Variants in ERAP2 observed in about 807,000 individuals in gnomAD.
ERAP2 encodes the protein endoplasmic reticulum aminopeptidase 2, also known as leukocyte-derived arginine aminopeptidase.
Under a neutral mutation model 111.1 loss-of-function variants are expected in ERAP2, and 118 were observed. The observed-to-expected ratio is 1.06, with a 90% CI of 0.92 to 1.24. The LOEUF is 1.24. Ranked by LOEUF, ERAP2 falls within the 50% of genes most tolerant of loss-of-function variation. The probability of loss-of-function intolerance (pLI) is 0.00; values close to 1 mark genes in which losing one functional copy is unlikely to be tolerated. For synonymous variants in ERAP2, 410 were observed against 401.2 expected (o/e 1.02, Z -0.26); for missense variants, 1,131 against 1,125.8 (o/e 1.00, Z -0.07).
chr5:96,888,899 T>C (rs1784042067), intron 4 of ERAP2, among the ~76,000 whole-genome samples: 1 of 152,224 alleles, frequency 6.6e-6, no homozygotes, highest in African/African-American at 2.4e-5. Flanking sequence ...TTCCTCTCTA[T>C]GATATACTTG....
rs772419139 is a variant in ERAP2 at position 96,909,783 on chromosome 5, C to T, written c.2354+19C>T. On this transcript the variant is annotated intron_variant, in intron 15 of 18. Transcript: ENST00000437043. ...AATTAAAGTAGATGTAGACTTCTGT[C>T]CTACCCTTTGTTCTTTTCTCTTTGA... 9 of 1,609,222 alleles carry T rather than the reference C, an allele frequency of 5.6e-6. No homozygotes were observed. Among genetic ancestry groups the T allele is most frequent in the Non-Finnish European group, 7.7e-6 (9 of 1,176,398 alleles).
chr5:96,900,604 C>T (rs1160312787), intron 10 of ERAP2, among the ~76,000 whole-genome samples: 3 of 152,086 alleles, frequency 2.0e-5, no homozygotes, highest in Non-Finnish European at 4.4e-5. Flanking sequence ...AGAAAGTCAT[C>T]ACAGGGGAAG....
chr5:96,892,382 G>T lies in ERAP2; in HGVS notation c.1054G>T (p.Asp352Tyr), dbSNP rs557002492. 3 of 1,613,976 alleles carry T rather than the reference G, an allele frequency of 1.9e-6. No homozygotes were observed. Among genetic ancestry groups the T allele is most frequent in the South Asian group, 2.2e-5 (2 of 91,062 alleles). ...ITYRETSLLF[D>Y]PKTSSASDKL... is the part of the protein sequence containing the mutation. ...ATATAGGGAGACGTCACTGCTTTTT[G>T]ACCCCAAGACCTCTTCTGCTTCCGA... Residue 352 changes from aspartate to tyrosine, a missense_variant, in exon 6 of 19, where the codon GAC (aspartate) becomes TAC (tyrosine). Around this residue, in one of 3 missense-constraint regions of ERAP2, gnomAD observed 847 missense variants for 856.5 expected, o/e 0.99. Transcript: ENST00000437043.
chr5:96,915,015 TA>T (rs1321658458), intron 17 of ERAP2, among the ~76,000 whole-genome samples: 1 of 152,148 alleles, frequency 6.6e-6, no homozygotes, highest in Non-Finnish European at 1.5e-5. Context: ...TTAATTAATT[TA>T]TTTTTTTTGA....
rs78813434 is a variant in ERAP2, at chr5:96,903,236, G to T, written c.1829-141G>T. The T allele has an allele frequency of 1.3e-3, 812 of 614,016 alleles. 2 individuals are homozygous for T. Among genetic ancestry groups the T allele is most frequent in the Non-Finnish European group, 1.9e-3 (711 of 371,620 alleles). 38.0% of individuals were successfully genotyped at this position (614,016 alleles called of 1,614,324 possible). On this transcript the variant is annotated intron_variant, in intron 12 of 18. Coordinates refer to ENST00000437043, the MANE Select transcript of ERAP2 (RefSeq NM_022350.5). The stretch of plus-strand genomic sequence containing the variant: ...CAAAAGAAATCATCCAGTGAACTAC[G>T]AAAATGAATATCATTATGACTCTCC...
rs533557444 is a variant in ERAP2, at chr5:96,902,293, T to C, written c.1768T>C (p.Leu590=). Reference sequence around the variant, plus strand: ...TCATAGGTACCTGTGGCATATCCCATTGACCTACTCCACGAGTTCTTCTAA... The same window carrying C: ...TCATAGGTACCTGTGGCATATCCCACTGACCTACTCCACGAGTTCTTCTAA... The part of the protein sequence containing the change: ...LQERYLWHIP[L]TYSTSSSNVI... Residue 590 remains leucine (L), a synonymous_variant, in exon 12 of 19, where the codon TTG becomes CTG. Coordinates refer to ENST00000437043, the MANE Select transcript of ERAP2 (RefSeq NM_022350.5). 6.2e-7 allele frequency: 1 copy of C among 1,610,372 alleles called. No homozygotes were observed. The highest frequency in any genetic ancestry group is 1.1e-5 in the South Asian group (1 of 91,022).
At chr5:96,882,969 T>C (rs566070428) in intron 2 of ERAP2, among the ~76,000 whole-genome samples, 1 of 152,334 alleles carries the variant, frequency 6.6e-6, no homozygotes, top group East Asian at 1.9e-4. Context: ...AGAGTAAATC[T>C]GTAACTGTAC....
At chr5:96,904,938 T>C (rs954943476) in intron 13 of ERAP2, among the ~76,000 whole-genome samples, 2 of 152,198 alleles carry the variant, frequency 1.3e-5, no homozygotes, top group African/African-American at 4.8e-5. Context: ...AGATTTCAGG[T>C]ATTACCTCTT....
At chr5:96,878,316 C>CT (rs1782764424) in intron 1 of ERAP2, among the ~76,000 whole-genome samples, 1 of 152,052 alleles carries the variant, frequency 6.6e-6, no homozygotes, top group African/African-American at 2.4e-5. Flanking sequence ...AAATACCTAC[C>CT]TTGACCAGCA....
chr5:96,887,839 G>A (rs556415847), intron 4 of ERAP2, among the ~76,000 whole-genome samples: 14 of 152,220 alleles, frequency 9.2e-5, no homozygotes, highest in African/African-American at 3.1e-4. Flanking sequence ...TGAAAAATGG[G>A]CATAGGCCGG....
rs1787583301 is a variant in ERAP2 at position 96,917,751 on chromosome 5, A to C, written c.*146A>C. On this transcript the variant is annotated 3_prime_UTR_variant, in exon 19 of 19. Coordinates refer to ENST00000437043, the MANE Select transcript of ERAP2 (RefSeq NM_022350.5). ...GAGACCCCGTCTCCGCTAAAAATAC[A>C]AAAAATTAGCCGGGCATGGTGGCAG... is the stretch of plus-strand genomic sequence containing the variant. 4.0e-6 allele frequency: 2 copies of C among 505,488 alleles called. No individual in the cohort carries two copies. Among genetic ancestry groups the C allele is most frequent in the African/African-American group, 2.0e-5 (1 of 49,460 alleles). 31.3% of individuals were successfully genotyped at this position (505,488 alleles called of 1,614,324 possible).
In ERAP2 at chr5:96,919,521, C is replaced by T. The variant is rs542845386; in HGVS notation, c.*1916C>T. 5 of 152,234 alleles carry T rather than the reference C, an allele frequency of 3.3e-5. No individual in the cohort carries two copies. In the East Asian group the frequency reaches 9.4e-4, roughly 29 times the overall value. The allele number at this position is 152,234 out of a possible 1,614,324, so 9.4% of individuals were successfully genotyped here. A position where few individuals can be genotyped will look rare whatever the true frequency, so the allele number is the denominator to read the frequency against. On this transcript the variant is annotated 3_prime_UTR_variant, in exon 19 of 19. Coordinates refer to ENST00000437043, the MANE Select transcript of ERAP2 (RefSeq NM_022350.5). ...AGAACTGTACCATCAACAATGTTTC[C>T]ATAAATATGCAGAGTTCTTTCTTTT...
chr5:96,911,416 T>C (rs575513857), intron 15 of ERAP2, among the ~76,000 whole-genome samples: 5 of 152,154 alleles, frequency 3.3e-5, no homozygotes, highest in Non-Finnish European at 7.4e-5. Context: ...CTGGTTAATG[T>C]CCTCAAGATA....
At chr5:96,898,329 G>C (rs1387380356) in intron 9 of ERAP2, among the ~76,000 whole-genome samples, 1 of 151,964 alleles carries the variant, frequency 6.6e-6, no homozygotes, top group South Asian at 2.1e-4. Context: ...CAACTGATGT[G>C]TGATTTTGTG....
At chr5:96,881,985 C>CA (rs1358739798) in intron 2 of ERAP2, among the ~76,000 whole-genome samples, 2 of 90,706 alleles carry the variant, frequency 2.2e-5, no homozygotes, top group East Asian at 8.0e-4. Flanking sequence ...AAATGGGTAT[C>CA]AGGAAGTGAC....
chr5:96,904,613 G>A (rs1429261512), intron 13 of ERAP2, among the ~76,000 whole-genome samples: 1 of 152,218 alleles, frequency 6.6e-6, no homozygotes, highest in Non-Finnish European at 1.5e-5. Context: ...TGAAAGGTGA[G>A]CTAAGAAGCA....
At chr5:96,896,961 C>T in intron 9 of ERAP2, 98 bp downstream of exon 9, 2 of 960,684 alleles carry the variant, frequency 2.1e-6, no homozygotes, top group Non-Finnish European at 2.9e-6. Context: ...GTCAGTCAAC[C>T]ATATTTATTC....
chr5:96,881,615 G>A, intron 2 of ERAP2: 1 of 411,770 alleles, frequency 2.4e-6, no homozygotes, highest in Non-Finnish European at 4.9e-6. Flanking sequence ...CAGAAGTAGG[G>A]CAGCTCAGAT....
At chr5:96,909,940 C>T in intron 15 of ERAP2, 176 bp downstream of exon 15, 1 of 580,378 alleles carries the variant, frequency 1.7e-6, no homozygotes, top group Admixed American at 3.0e-5. Context: ...GAGACTAGTA[C>T]AATCTCTACC....
Sources: gnomAD v4.1 joint callset for allele counts (sites outside exome capture counted in the v4.1 genomes callset) on GRCh38, gnomAD v4.1.1 for gene constraint, gnomAD v4.1.1 regional missense constraint, MANE v1.5 for transcripts, NCBI Gene and HGNC (gene_info 2026-07-23, HGNC 2026-07-21) for gene names.